Variants in PCDHGA8 observed in about 807,000 individuals in gnomAD.
PCDHGA8 encodes the protein protocadherin gamma subfamily A, 8, also known as protocadherin gamma-A8.
A neutral mutation model predicts 59.2 loss-of-function variants in PCDHGA8; 45 were observed. That is an observed-to-expected ratio of 0.76 (90% CI 0.60 to 0.98). PCDHGA8 has a LOEUF of 0.98. Ranked by LOEUF, PCDHGA8 falls within the 50% of genes least tolerant of loss-of-function variation. The pLI is 0.00. For missense variants in PCDHGA8, 1,257 were observed against 1,196.2 expected, an observed-to-expected ratio of 1.05 and a Z score of -0.75; for synonymous variants, 531 against 519.0, an observed-to-expected ratio of 1.02 and a Z score of -0.32.
chr5:141,457,891 T>C (rs2154566084), intron 1 of PCDHGA8, among the ~76,000 whole-genome samples: 1 of 152,346 alleles, frequency 6.6e-6, no homozygotes, highest in South Asian at 2.1e-4. Context: ...GTGTGGGGAC[T>C]GTGTAGACAA....
Position 141,490,310 on chromosome 5 carries a change from AC to A in PCDHGA8, c.2425-4494del. 1 of 1,614,084 alleles carries A rather than the reference AC, an allele frequency of 6.2e-7. No homozygotes were observed. The highest frequency in any genetic ancestry group is 8.5e-7 in the Non-Finnish European group (1 of 1,180,012). ...GAGGTGCTATTGGCCTCTTTGGCCA[AC>A]CCTGTCCTAGAGAGCACACCAGTGG... is the stretch of plus-strand genomic sequence containing the variant. On this transcript the variant is annotated intron_variant, in intron 1 of 3. Transcript: ENST00000398604. This position sits in a 1 kb window ranked among gnomAD's most constrained non-coding sequence, Gnocchi z 5.4.
At chr5:141,448,802 A>G (rs897172074) in intron 1 of PCDHGA8, among the ~76,000 whole-genome samples, 14 of 152,044 alleles carry the variant, frequency 9.2e-5, no homozygotes, top group Non-Finnish European at 1.8e-4. Flanking sequence ...AAAATTAGCC[A>G]GGCGTGATGG....
rs192677983 is a variant in PCDHGA8 at position 141,457,339 on chromosome 5, A to G, written c.2425-37468A>G. On this transcript the variant is annotated intron_variant, in intron 1 of 3. Transcript: ENST00000398604. The stretch of plus-strand genomic sequence containing the variant: ...CCTCCGGGTTACAGGTACCTTACTT[A>G]CTTTCATTACCTGGCACAATTTGCA... Among the ~76,000 whole-genome samples the G allele has an allele frequency of 3.1e-4, 47 of 152,268 alleles. No individual in the cohort carries two copies. The South Asian group carries it at 3.3e-3, about 11-fold the overall frequency.
rs766474451 is a variant in PCDHGA8 at position 141,477,676 on chromosome 5, AT to A, written c.2425-17130del. On this transcript the variant is annotated intron_variant, in intron 1 of 3. Coordinates refer to ENST00000398604, the MANE Select transcript of PCDHGA8 (RefSeq NM_032088.2). This position sits in a 1 kb window ranked among gnomAD's most constrained non-coding sequence, Gnocchi z 4.9. ...TAAATCGTGACAATGGCATAGTGTCATCCTTAGTGCCCCTAGACTATGAGGA... is the reference window on the plus strand; with the variant it reads ...TAAATCGTGACAATGGCATAGTGTCACCTTAGTGCCCCTAGACTATGAGGA... 6.2e-7 allele frequency: 1 copy of A among 1,614,194 alleles called. No homozygotes were observed. The highest frequency in any genetic ancestry group is 2.2e-5 in the East Asian group (1 of 44,886).
intron 1 of PCDHGA8, chr5:141,420,292 T>C (rs761934978): frequency 2.7e-6 from 4 of 1,485,132 alleles, no homozygotes; most frequent in Middle Eastern, 1.8e-4. Context: ...TTTAAAAATG[T>C]ATTTAATCCT....
intron 1 of PCDHGA8, among the ~76,000 whole-genome samples, chr5:141,492,927 G>C (rs925569925): frequency 6.6e-6 from 1 of 152,180 alleles, no homozygotes; most frequent in Non-Finnish European, 1.5e-5. Context: ...AGCGATCTAG[G>C]GTCAGAGATT....
chr5:141,448,338 T>A (rs1053822287), intron 1 of PCDHGA8, among the ~76,000 whole-genome samples: 1 of 152,192 alleles, frequency 6.6e-6, no homozygotes, highest in African/African-American at 2.4e-5. Context: ...TATAGCCATG[T>A]ACCTCAATCT....
Position 141,393,140 on chromosome 5 carries a change from G to A in PCDHGA8, c.327G>A (p.Leu109=), listed in dbSNP as rs756948310. The A allele has an allele frequency of 1.9e-6, 3 of 1,613,260 alleles. No individual in the cohort carries two copies. In the South Asian group the frequency reaches 3.3e-5, roughly 18 times the overall value. ...GGTGTCTGATAAATATTAACACCCT[G>A]GTTGAGGATAAAGGAAAACTCTTTG... ...SPRCLININT[L]VEDKGKLFGV... is the part of the protein sequence containing the mutation. Residue 109 remains leucine (L), a synonymous_variant, in exon 1 of 4, where the codon CTG becomes CTA. Coordinates refer to ENST00000398604, the MANE Select transcript of PCDHGA8 (RefSeq NM_032088.2).
intron 1 of PCDHGA8, among the ~76,000 whole-genome samples, chr5:141,396,910 A>G (rs1335319555): frequency 1.3e-5 from 2 of 152,208 alleles, no homozygotes; most frequent in Non-Finnish European, 2.9e-5. Flanking sequence ...GCACTTTGCA[A>G]TTTTAAAAAC....
At chr5:141,396,683 T>G (rs1445621329) in intron 1 of PCDHGA8, 1 of 152,136 alleles carries the variant, frequency 6.6e-6, no homozygotes, top group Non-Finnish European at 1.5e-5. Context: ...ATTGTATTCC[T>G]GCATACCTTC....
In PCDHGA8 at chr5:141,485,115, G is replaced by T. The variant is rs1043877839; in HGVS notation, c.2425-9692G>T. On this transcript the variant is annotated intron_variant, in intron 1 of 3. Transcript: ENST00000398604. This position sits in a 1 kb window ranked among gnomAD's most constrained non-coding sequence, Gnocchi z 5.7. ...GTGTCTCCAGCTGCTGTGGCTGTTT[G>T]GGGCGGGTCGGCTTCATCCGCGTCT... The T allele has an allele frequency of 3.8e-6, 5 of 1,300,464 alleles. No homozygotes were observed. The African/African-American group carries it at 5.8e-5, about 15-fold the overall frequency. The allele number at this position is 1,300,464 out of a possible 1,614,324, so 80.6% of individuals were successfully genotyped here.
chr5:141,474,083 A>G (rs771906750), intron 1 of PCDHGA8, among the ~76,000 whole-genome samples: 2 of 152,190 alleles, frequency 1.3e-5, no homozygotes, highest in African/African-American at 2.4e-5. Flanking sequence ...AACAAAAACC[A>G]AAAAACAAAC....
At chr5:141,409,538 A>G (rs772375542) in intron 1 of PCDHGA8, 5 of 1,613,844 alleles carry the variant, frequency 3.1e-6, no homozygotes, top group Non-Finnish European at 4.2e-6. Flanking sequence ...CGCTGACATC[A>G]ACGACAACGC....
chr5:141,449,916 T>C (rs1453191109), intron 1 of PCDHGA8, among the ~76,000 whole-genome samples: 1 of 151,912 alleles, frequency 6.6e-6, no homozygotes, highest in East Asian at 1.9e-4. Context: ...CATATTTAAA[T>C]TCTACCATAC....
intron 1 of PCDHGA8, among the ~76,000 whole-genome samples, chr5:141,401,937 T>A (rs531669581): frequency 2.6e-5 from 4 of 152,356 alleles, no homozygotes; most frequent in African/African-American, 7.2e-5. Flanking sequence ...TAGAATAATG[T>A]TTAAGACCAC....
intron 1 of PCDHGA8, among the ~76,000 whole-genome samples, chr5:141,494,100 G>T (rs559145191): frequency 6.6e-6 from 1 of 152,152 alleles, no homozygotes; most frequent in Non-Finnish European, 1.5e-5. Flanking sequence ...ATTTTTCTCC[G>T]TCTCAGACAG....
intron 1 of PCDHGA8, among the ~76,000 whole-genome samples, chr5:141,473,946 G>A (rs1399816546): frequency 6.6e-6 from 1 of 152,170 alleles, no homozygotes; most frequent in African/African-American, 2.4e-5. Context: ...GCTCAGGCCT[G>A]TAGTCCCATC....
intron 1 of PCDHGA8, among the ~76,000 whole-genome samples, chr5:141,438,921 C>T (rs1204218608): frequency 6.6e-6 from 1 of 151,970 alleles, no homozygotes; most frequent in Non-Finnish European, 1.5e-5. Context: ...CTGCCTTGGC[C>T]TCCCAAAGTG....
intron 1 of PCDHGA8, chr5:141,417,914 C>T: frequency 6.2e-7 from 1 of 1,602,320 alleles, no homozygotes; most frequent in Non-Finnish European, 8.5e-7. Context: ...GGTACTATTT[C>T]CTTTGCTGCT....
Sources: gnomAD v4.1 joint callset for allele counts (sites outside exome capture counted in the v4.1 genomes callset) on GRCh38, gnomAD v4.1.1 for gene constraint, Gnocchi (gnomAD v3.1) non-coding constraint, MANE v1.5 for transcripts, NCBI Gene and HGNC (gene_info 2026-07-23, HGNC 2026-07-21) for gene names.